Variants in RALGPS2 observed in about 807,000 individuals in gnomAD.
RALGPS2 encodes ras-specific guanine nucleotide-releasing factor RalGPS2.
RALGPS2 carries 43 observed loss-of-function variants against 86.8 expected under a neutral mutation model. The ratio of observed to expected loss-of-function variants is 0.50; its 90% CI spans 0.39 to 0.64. The LOEUF (loss-of-function observed/expected upper bound fraction) is 0.64. Among genes scored for constraint, RALGPS2 ranks in the 30% least tolerant of loss-of-function variants. The pLI, the probability that RALGPS2 is intolerant of heterozygous loss-of-function variation, is 0.00. For missense variants in RALGPS2, 536 were observed against 694.6 expected, an observed-to-expected ratio of 0.77 and a Z score of 2.57; for synonymous variants, 243 against 231.3, an observed-to-expected ratio of 1.05 and a Z score of -0.46.
chr1:178,858,798 T>C (rs1282415068), intron 8 of RALGPS2, among the ~76,000 whole-genome samples: 1 of 152,218 alleles, frequency 6.6e-6, no homozygotes, highest in Non-Finnish European at 1.5e-5. Context: ...TTTCACACTT[T>C]GAATAGCAGC....
At chr1:178,851,590 A>G (rs1388379200) in intron 8 of RALGPS2, among the ~76,000 whole-genome samples, 3 of 152,116 alleles carry the variant, frequency 2.0e-5, no homozygotes, top group Non-Finnish European at 2.9e-5. Context: ...AGTAGATGCA[A>G]GCAGTGTTTA....
At chr1:178,746,933 G>T (rs1267492473) in intron 1 of RALGPS2, 36 of 1,062,420 alleles carry the variant, frequency 3.4e-5, no homozygotes, top group Non-Finnish European at 5.2e-5. Flanking sequence ...TATTTTGTTT[G>T]GTGAATGATC....
At chr1:178,816,508 C>T (rs1173625725) in intron 6 of RALGPS2, among the ~76,000 whole-genome samples, 2 of 151,538 alleles carry the variant, frequency 1.3e-5, no homozygotes, top group Non-Finnish European at 1.5e-5. Context: ...GTATTTTTTC[C>T]TAGTCTATGC....
chr1:178,857,403 G>C (rs1436079274), intron 8 of RALGPS2, among the ~76,000 whole-genome samples: 1 of 152,118 alleles, frequency 6.6e-6, no homozygotes, highest in Non-Finnish European at 1.5e-5. Flanking sequence ...ACTGTTTTAG[G>C]CTCAAGGGAT....
intron 4 of RALGPS2, among the ~76,000 whole-genome samples, chr1:178,787,324 A>G (rs1653703477): frequency 6.6e-6 from 1 of 152,196 alleles, no homozygotes; most frequent in Admixed American, 6.6e-5. Context: ...AGCCATTTAT[A>G]TAACTTTGTT....
chr1:178,851,250 C>G, intron 8 of RALGPS2: 1 of 1,613,874 alleles, frequency 6.2e-7, no homozygotes, highest in South Asian at 1.1e-5. Flanking sequence ...GTACCATACT[C>G]CATTTAGGTT....
chr1:178,897,892 C>G, intron 17 of RALGPS2, 136 bp downstream of exon 17: 1 of 614,330 alleles, frequency 1.6e-6, no homozygotes, highest in Non-Finnish European at 2.8e-6. Context: ...AAAGTTTTTA[C>G]ATTTATTTCT....
At chr1:178,777,251 GACAA>G (rs1258937017) in intron 2 of RALGPS2, among the ~76,000 whole-genome samples, 18 of 151,826 alleles carry the variant, frequency 1.2e-4, no homozygotes, top group Admixed American at 3.9e-4. Context: ...ACCAATAACA[GACAA>G]ACAGACAGCC....
chr1:178,849,274 G>T, intron 8 of RALGPS2, among the ~76,000 whole-genome samples: 1 of 152,050 alleles, frequency 6.6e-6, no homozygotes, highest in African/African-American at 2.4e-5. Flanking sequence ...ATATAATACC[G>T]CTTCTTATTC....
In RALGPS2 at chr1:178,757,510, G is replaced by C. The variant is rs188599793; in HGVS notation, c.-83-19172G>C. ...AGGGTTTTTATCATAAGGGATGTTGGATTTTATCAAAAGCTTATTCTGTAT... is the reference window on the plus strand; with the variant it reads ...AGGGTTTTTATCATAAGGGATGTTGCATTTTATCAAAAGCTTATTCTGTAT... On this transcript the variant is annotated intron_variant, in intron 1 of 19. Coordinates refer to ENST00000367635, the MANE Select transcript of RALGPS2 (RefSeq NM_152663.5). Among the ~76,000 whole-genome samples the C allele has an allele frequency of 1.3e-3, 194 of 152,170 alleles. 2 individuals carry two copies. The highest frequency in any genetic ancestry group is 4.3e-3 in the African/African-American group (178 of 41,546).
At chr1:178,890,196 A>G (rs1659662026) in intron 14 of RALGPS2, among the ~76,000 whole-genome samples, 1 of 151,984 alleles carries the variant, frequency 6.6e-6, no homozygotes, top group Non-Finnish European at 1.5e-5. Flanking sequence ...GAAATACTCT[A>G]AGTTGTGCTC....
chr1:178,911,585 ATGATTTCAATTTTTTTGAATATGT>A (rs773394900), intron 19 of RALGPS2, among the ~76,000 whole-genome samples: 1 of 152,182 alleles, frequency 6.6e-6, no homozygotes, highest in Non-Finnish European at 1.5e-5. Context: ...TATGGTTGGT[ATGATTTCAATTTTTTTGAATATGT>A]TGGCACTTGC....
At chr1:178,853,150 C>T in intron 8 of RALGPS2, 4 of 985,272 alleles carry the variant, frequency 4.1e-6, no homozygotes, top group Non-Finnish European at 4.8e-6. Context: ...TTTTTTGCTT[C>T]TGATATGTCA....
intron 10 of RALGPS2, among the ~76,000 whole-genome samples, chr1:178,881,043 T>C (rs1248393330): frequency 2.0e-5 from 3 of 152,174 alleles, no homozygotes; most frequent in African/African-American, 7.2e-5. Context: ...GGTTTTGTTA[T>C]AGGCCAGTTA....
chr1:178,838,509 A>G (rs1184316505), intron 8 of RALGPS2, among the ~76,000 whole-genome samples: 2 of 152,076 alleles, frequency 1.3e-5, no homozygotes, highest in African/African-American at 2.4e-5. Flanking sequence ...CCACACCAAA[A>G]CCCCATCTAT....
At chr1:178,825,127 T>C (rs948258710) in intron 7 of RALGPS2, among the ~76,000 whole-genome samples, 6 of 152,230 alleles carry the variant, frequency 3.9e-5, no homozygotes, top group South Asian at 2.1e-4. Flanking sequence ...TAATCATGAA[T>C]TTAAAGTAAA....
chr1:178,869,080 A>G (rs1470414887), intron 8 of RALGPS2: 1 of 152,058 alleles, frequency 6.6e-6, no homozygotes, highest in African/African-American at 2.4e-5. Context: ...CTAGGCCCCA[A>G]GAGAATGTTA....
intron 18 of RALGPS2, among the ~76,000 whole-genome samples, chr1:178,905,327 A>G (rs1435441125): frequency 6.6e-6 from 1 of 152,202 alleles, no homozygotes; most frequent in Non-Finnish European, 1.5e-5. Context: ...AGCATGCCTA[A>G]TAGAACTACT....
chr1:178,785,620 G>T lies in RALGPS2; in HGVS notation c.213+13G>T. ...TATTCAACCAGATGTAAGTAGTTTT[G>T]AGAATGTTCCTTTTAAATATAGAAA... is the stretch of plus-strand genomic sequence containing the variant. On this transcript the variant is annotated intron_variant, in intron 4 of 19. Coordinates refer to ENST00000367635, the MANE Select transcript of RALGPS2 (RefSeq NM_152663.5). 6.4e-7 allele frequency: 1 copy of T among 1,566,350 alleles called. No individual in the cohort carries two copies. The highest frequency in any genetic ancestry group is 1.2e-5 in the South Asian group (1 of 82,232).
Sources: allele counts gnomAD v4.1 joint callset (sites outside exome capture counted in the v4.1 genomes callset), GRCh38; gene constraint gnomAD v4.1.1; transcripts MANE v1.5; gene names NCBI Gene and HGNC (gene_info 2026-07-23, HGNC 2026-07-21).